Variants in OTUB2 observed in about 807,000 individuals in gnomAD.
OTUB2 encodes the protein ubiquitin thioesterase OTUB2.
In OTUB2, 21 loss-of-function variants were observed where a neutral mutation model predicts 25.1. The observed-to-expected ratio is 0.84, with a 90% confidence interval of 0.59 to 1.21. The LOEUF is 1.21. Among genes scored for constraint, OTUB2 ranks in the 50% most tolerant of loss-of-function variants. OTUB2 has a pLI of 0.00. For missense variants in OTUB2, 283 were observed against 298.0 expected (o/e 0.95, Z 0.37); for synonymous variants, 122 against 122.8 (o/e 0.99, Z 0.04).
chr14:94,046,045 C>A lies in OTUB2; in HGVS notation c.*123C>A, dbSNP rs907410867. ...GCAAGAAAATGTGCAGCCTTTTGGGCAAAGCCCCTGGGAACGAGGCCTATC... is the reference window on the plus strand; with the variant it reads ...GCAAGAAAATGTGCAGCCTTTTGGGAAAAGCCCCTGGGAACGAGGCCTATC... On this transcript the variant is annotated 3_prime_UTR_variant, in exon 6 of 6. Transcript: ENST00000203664. 13 of 1,149,532 alleles carry A rather than the reference C, an allele frequency of 1.1e-5. No individual in the cohort carries two copies. The highest frequency in any genetic ancestry group is 4.0e-4 in the Middle Eastern group (2 of 4,990). The allele number at this position is 1,149,532 out of a possible 1,614,324, so 71.2% of individuals were successfully genotyped here. A position where few individuals can be genotyped will look rare whatever the true frequency, so the allele number is the denominator to read the frequency against.
chr14:94,030,132 G>T (rs981215794), intron 1 of OTUB2, among the ~76,000 whole-genome samples: 1 of 152,322 alleles, frequency 6.6e-6, no homozygotes, highest in African/African-American at 2.4e-5. Context: ...GCCCTTGCTG[G>T]TTAAGCAGCT....
intron 1 of OTUB2, among the ~76,000 whole-genome samples, chr14:94,027,357 G>T (rs1283792532): frequency 1.3e-5 from 2 of 152,222 alleles, no homozygotes; most frequent in African/African-American, 2.4e-5. Context: ...CAGGCATCCT[G>T]CAGGGGACTG....
intron 1 of OTUB2, among the ~76,000 whole-genome samples, chr14:94,029,692 G>C (rs772911903): frequency 1.3e-5 from 2 of 152,188 alleles, no homozygotes; most frequent in Non-Finnish European, 2.9e-5. Flanking sequence ...TTGGTGGGGG[G>C]ACACAGTTCA....
intron 1 of OTUB2, among the ~76,000 whole-genome samples, chr14:94,035,351 G>T (rs190413124): frequency 1.4e-5 from 2 of 137,984 alleles, no homozygotes; most frequent in Non-Finnish European, 3.0e-5. Flanking sequence ...GTGCAGTGGT[G>T]CAATCTTGGC....
intron 1 of OTUB2, among the ~76,000 whole-genome samples, chr14:94,029,629 C>T (rs1364323805): frequency 2.6e-5 from 4 of 152,322 alleles, no homozygotes; most frequent in African/African-American, 7.2e-5. Context: ...ACCCTATTTC[C>T]AAATAAGATC....
intron 3 of OTUB2, among the ~76,000 whole-genome samples, chr14:94,041,844 C>G (rs1388998188): frequency 6.6e-6 from 1 of 152,260 alleles, no homozygotes; most frequent in Non-Finnish European, 1.5e-5. Flanking sequence ...TTCACTCACT[C>G]CTCTGTAGCT....
chr14:94,037,518 G>C, intron 2 of OTUB2, 43 bp downstream of exon 2: 1 of 1,448,360 alleles, frequency 6.9e-7, no homozygotes, highest in South Asian at 1.2e-5. Context: ...AACTAAACAG[G>C]CTGGAGTTGG....
chr14:94,028,872 T>C (rs1408985515), intron 1 of OTUB2, among the ~76,000 whole-genome samples: 1 of 151,984 alleles, frequency 6.6e-6, no homozygotes, highest in African/African-American at 2.4e-5. Context: ...TTGAGCTGAG[T>C]TGAAGGATGT....
intron 4 of OTUB2, among the ~76,000 whole-genome samples, 177 bp from the exon 5 acceptor site, chr14:94,044,409 C>T (rs554572642): frequency 1.3e-5 from 2 of 152,350 alleles, no homozygotes; most frequent in East Asian, 3.9e-4. Context: ...CAAAGTCTTG[C>T]TAACCCTGGG....
intron 2 of OTUB2, among the ~76,000 whole-genome samples, chr14:94,037,840 A>G (rs1379405581): frequency 1.3e-5 from 2 of 152,172 alleles, no homozygotes; most frequent in Non-Finnish European, 2.9e-5. Context: ...TAGGATTTAA[A>G]CCCAGGCAGC....
At chr14:94,045,014 T>C (rs1885242675) in intron 5 of OTUB2, among the ~76,000 whole-genome samples, 1 of 152,262 alleles carries the variant, frequency 6.6e-6, no homozygotes, top group African/African-American at 2.4e-5. Flanking sequence ...ATAAGGGATT[T>C]GGACTGGCCT....
intron 1 of OTUB2, among the ~76,000 whole-genome samples, chr14:94,027,560 T>C (rs1412085453): frequency 2.0e-5 from 3 of 152,202 alleles, no homozygotes; most frequent in Non-Finnish European, 2.9e-5. Flanking sequence ...GGGAACCATG[T>C]GATATGATTA....
At chr14:94,031,880 C>G (rs1430024892) in intron 1 of OTUB2, among the ~76,000 whole-genome samples, 2 of 152,236 alleles carry the variant, frequency 1.3e-5, no homozygotes, top group Non-Finnish European at 2.9e-5. Context: ...CTAATTAGGT[C>G]TGACAGGACA....
intron 1 of OTUB2, among the ~76,000 whole-genome samples, chr14:94,030,822 G>T (rs1408847281): frequency 6.7e-6 from 1 of 150,246 alleles, no homozygotes; most frequent in Non-Finnish European, 1.5e-5. Flanking sequence ...GATGGGGAGG[G>T]TGGGGGCCGG....
Position 94,048,299 on chromosome 14 carries a change from C to A in OTUB2, c.*2377C>A, listed in dbSNP as rs188979656. The A allele has an allele frequency of 1.4e-3, 217 of 152,322 alleles. 2 individuals are homozygous for A. Among genetic ancestry groups the A allele is most frequent in the African/African-American group, 4.9e-3 (203 of 41,580 alleles). The allele number at this position is 152,322 out of a possible 1,614,324, so 9.4% of individuals were successfully genotyped here. ...TTGCTTTGAGAGCTTGTTTTTACAA[C>A]TGCATGTTTATTATGATACTTTCTC... On this transcript the variant is annotated 3_prime_UTR_variant, in exon 6 of 6. Transcript: ENST00000203664.
At chr14:94,038,353 A>G (rs1213696268) in intron 2 of OTUB2, among the ~76,000 whole-genome samples, 3 of 152,128 alleles carry the variant, frequency 2.0e-5, no homozygotes, top group African/African-American at 7.2e-5. Flanking sequence ...CTGCCTCCCC[A>G]CTGCCAGCTG....
intron 4 of OTUB2, among the ~76,000 whole-genome samples, 187 bp from the exon 5 acceptor site, chr14:94,044,399 C>G (rs1885223555): frequency 6.6e-6 from 1 of 152,226 alleles, no homozygotes; most frequent in Non-Finnish European, 1.5e-5. Flanking sequence ...GTACAAACTG[C>G]AAAGTCTTGC....
intron 1 of OTUB2, among the ~76,000 whole-genome samples, chr14:94,030,659 C>T (rs1271302790): frequency 6.6e-6 from 1 of 152,082 alleles, no homozygotes; most frequent in African/African-American, 2.4e-5. Flanking sequence ...TGAACAATGG[C>T]CCCAATGATG....
Position 94,046,230 on chromosome 14 carries a change from CCCTG to C in OTUB2, c.*312_*315del, listed in dbSNP as rs1401065638. On this transcript the variant is annotated 3_prime_UTR_variant, in exon 6 of 6. Transcript: ENST00000203664. ...ACTTGTTTCTTCAACTGGAGGAGGT[CCCTG>C]CCTATGCTGACATTCCATTGTAGAA... 2 of 478,678 alleles carry C rather than the reference CCCTG, an allele frequency of 4.2e-6. No homozygotes were observed. Among genetic ancestry groups the C allele is most frequent in the African/African-American group, 3.9e-5 (2 of 51,712 alleles). The allele number at this position is 478,678 out of a possible 1,614,324, so 29.7% of individuals were successfully genotyped here. A position where few individuals can be genotyped will look rare whatever the true frequency, so the allele number is the denominator to read the frequency against.
Sources: allele counts gnomAD v4.1 joint callset (sites outside exome capture counted in the v4.1 genomes callset), GRCh38; gene constraint gnomAD v4.1.1; transcripts MANE v1.5; gene names NCBI Gene and HGNC (gene_info 2026-07-23, HGNC 2026-07-21).